Variants in ANKDD1A observed in about 807,000 individuals in gnomAD.
ANKDD1A encodes ankyrin repeat and death domain-containing protein 1A.
A neutral mutation model predicts 63.5 loss-of-function variants in ANKDD1A; 59 were observed. That is an observed-to-expected ratio of 0.93 (90% CI 0.75 to 1.15). ANKDD1A has a LOEUF of 1.15. Among genes scored for constraint, ANKDD1A ranks in the 50% most tolerant of loss-of-function variants. The pLI, the probability that ANKDD1A is intolerant of heterozygous loss-of-function variation, is 0.00. For synonymous variants in ANKDD1A, 266 were observed against 263.9 expected (o/e 1.01, Z -0.08); for missense variants, 632 against 656.4 (o/e 0.96, Z 0.41).
chr15:64,951,720 C>CTTTCTTCCTTTCTTTTCTTTTTCTTT (rs1276132353), intron 14 of ANKDD1A, among the ~76,000 whole-genome samples: 43 of 136,282 alleles, frequency 3.2e-4, no homozygotes, highest in East Asian at 6.5e-4. Flanking sequence ...TCTTTTTCTT[C>CTTTCTTCCTTTCTTTTCTTTTTCTTT]CCTTTTCTTC....
At chr15:64,936,763 G>A (rs2085136813) in intron 9 of ANKDD1A, among the ~76,000 whole-genome samples, 1 of 152,140 alleles carries the variant, frequency 6.6e-6, no homozygotes. Flanking sequence ...AGGATCACTT[G>A]AGCGGAGGAG....
At chr15:64,953,793 T>TC (rs2085359371) in intron 14 of ANKDD1A, among the ~76,000 whole-genome samples, 4 of 124,902 alleles carry the variant, frequency 3.2e-5, no homozygotes, top group African/African-American at 9.0e-5. Flanking sequence ...TTCTTCTGCT[T>TC]TCTTCTTCCT....
chr15:64,956,225 T>C (rs1465305486), intron 14 of ANKDD1A, among the ~76,000 whole-genome samples: 2 of 138,914 alleles, frequency 1.4e-5, no homozygotes, highest in African/African-American at 5.2e-5. Flanking sequence ...TTTTTTTCTT[T>C]GGATTCCTTT....
At chr15:64,936,522 G>A (rs758376055) in intron 9 of ANKDD1A, among the ~76,000 whole-genome samples, 2 of 152,144 alleles carry the variant, frequency 1.3e-5, no homozygotes, top group Non-Finnish European at 2.9e-5. Context: ...GGTAGTAACA[G>A]TGTCAAAAGA....
At chr15:64,943,329 A>G (rs1214296370) in intron 10 of ANKDD1A, 155 bp from the exon 11 acceptor site, 1 of 675,032 alleles carries the variant, frequency 1.5e-6, no homozygotes. Flanking sequence ...TACATATAAG[A>G]TGATCTCATG....
intron 14 of ANKDD1A, among the ~76,000 whole-genome samples, chr15:64,952,076 CTTCCTTCT>C (rs1199758941): frequency 3.8e-3 from 20 of 5,272 alleles, no homozygotes; most frequent in South Asian, 0.036. Flanking sequence ...CTTTCTTCTT[CTTCCTTCT>C]TTTCTTCCTC....
intron 3 of ANKDD1A, among the ~76,000 whole-genome samples, chr15:64,920,344 AG>A (rs2084999433): frequency 6.6e-6 from 1 of 152,074 alleles, no homozygotes; most frequent in African/African-American, 2.4e-5. Flanking sequence ...CCCTGCAAAC[AG>A]GTGTGGGGCT....
intron 14 of ANKDD1A, among the ~76,000 whole-genome samples, chr15:64,952,686 C>T (rs2085317181): frequency 7.1e-6 from 1 of 141,258 alleles, no homozygotes; most frequent in Non-Finnish European, 1.5e-5. Context: ...TCTTCTTCCT[C>T]TCCTTTTTCT....
chr15:64,930,903 C>G lies in ANKDD1A; in HGVS notation c.652C>G (p.Leu218Val). The change falls in exon 7 of 15, where the codon CTG becomes GTG. Residue 218 changes from leucine to valine, a missense_variant. Transcript: ENST00000319580. ...LQRLVDIGLD[L>V]EEQNAEGLTA... ...GCGACTTGTGGACATCGGGCTGGAC[C>G]TGGAGGAGCAGAATGCGGTGAGTCA... The G allele has an allele frequency of 5.0e-6, 8 of 1,612,146 alleles. No individual in the cohort carries two copies. The highest frequency in any genetic ancestry group is 6.8e-6 in the Non-Finnish European group (8 of 1,179,980).
Position 64,947,607 on chromosome 15 carries a change from T to C in ANKDD1A, c.1351+14T>C, listed in dbSNP as rs200506168. On this transcript the variant is annotated intron_variant, in intron 13 of 14. Transcript: ENST00000319580. The stretch of plus-strand genomic sequence containing the variant: ...AACAGTGGACAGGTACCACCTTGCC[T>C]CTCCTCGCCCTAAGCAACCATTGGG... 1,092 of 1,612,322 alleles carry C rather than the reference T, an allele frequency of 6.8e-4. 1 individual carries two copies. Among genetic ancestry groups the C allele is most frequent in the Non-Finnish European group, 8.0e-4 (945 of 1,179,216 alleles).
rs754916545 is a variant in ANKDD1A, at chr15:64,926,063, C to T, written c.367-3C>T. ...GCAGGAACCCTCCTGCACTTGTTTC[C>T]AGGATGGCCTGACCTTACTGCACTG... On this transcript the variant is annotated splice_region_variant and splice_polypyrimidine_tract_variant and intron_variant, in intron 4 of 14. Transcript: ENST00000319580. 6.2e-7 allele frequency: 1 copy of T among 1,612,280 alleles called. No homozygotes were observed. Among genetic ancestry groups the T allele is most frequent in the Non-Finnish European group, 8.5e-7 (1 of 1,179,422 alleles).
intron 12 of ANKDD1A, among the ~76,000 whole-genome samples, chr15:64,946,583 A>G (rs991879059): frequency 2.0e-5 from 3 of 152,234 alleles, no homozygotes; most frequent in African/African-American, 7.2e-5. Context: ...TGTCAGAATC[A>G]CAAATCTCCC....
At chr15:64,953,809 T>TTC (rs1356464023) in intron 14 of ANKDD1A, among the ~76,000 whole-genome samples, 2 of 142,482 alleles carry the variant, frequency 1.4e-5, no homozygotes, top group Non-Finnish European at 3.1e-5. Flanking sequence ...TTCCTTTTTT[T>TTC]CTTCTTCCTT....
At chr15:64,954,037 TTCCTC>T (rs2085371234) in intron 14 of ANKDD1A, among the ~76,000 whole-genome samples, 2 of 119,490 alleles carry the variant, frequency 1.7e-5, no homozygotes, top group Non-Finnish European at 3.5e-5. Flanking sequence ...TTCTTTCTTC[TTCCTC>T]TTCTTCTTTT....
At position 64,945,608 on chromosome 15, in the gene ANKDD1A, A is replaced by T. The variant is rs28375174; in HGVS notation, c.1161+861A>T. On this transcript the variant is annotated intron_variant, in intron 12 of 14. Transcript: ENST00000319580. ...TAGAGGGATTAAATGCATTTTCAAC[A>T]TATATATATATATATATATATATGA... Among the ~76,000 whole-genome samples the T allele has an allele frequency of 0.026, 88 of 3,344 alleles. 1 individual carries two copies. In the South Asian group the frequency reaches 0.42, roughly 16 times the overall value. The allele number at this position is 3,344 out of a possible 152,430, so 2.2% of individuals were successfully genotyped here.
intron 9 of ANKDD1A, among the ~76,000 whole-genome samples, chr15:64,938,104 C>T (rs1053232208): frequency 2.6e-5 from 4 of 152,180 alleles, no homozygotes; most frequent in Non-Finnish European, 5.9e-5. Context: ...ACTGTGCGTC[C>T]ATACTGATAT....
At chr15:64,943,379 A>T in intron 10 of ANKDD1A, 105 bp from the exon 11 acceptor site, 4 of 901,244 alleles carry the variant, frequency 4.4e-6, no homozygotes, top group Non-Finnish European at 7.1e-6. Context: ...TGCATTAAAG[A>T]AAAGACTAGA....
chr15:64,921,342 T>C (rs865828813), intron 3 of ANKDD1A, among the ~76,000 whole-genome samples: 1 of 152,172 alleles, frequency 6.6e-6, no homozygotes. Context: ...TCTTTCTTTA[T>C]GAAATGGTGA....
chr15:64,946,618 A>G (rs1290337879), intron 12 of ANKDD1A, among the ~76,000 whole-genome samples: 2 of 152,190 alleles, frequency 1.3e-5, no homozygotes, highest in African/African-American at 2.4e-5. Context: ...CAATTCAGGT[A>G]GAATCTCTGA....
Sources: gnomAD v4.1 joint callset for allele counts (sites outside exome capture counted in the v4.1 genomes callset) on GRCh38, gnomAD v4.1.1 for gene constraint, MANE v1.5 for transcripts, NCBI Gene and HGNC (gene_info 2026-07-23, HGNC 2026-07-21) for gene names.